Variants in CACNA2D1 observed in about 807,000 individuals in gnomAD.
CACNA2D1 encodes voltage-dependent calcium channel subunit alpha-2/delta-1.
A neutral mutation model predicts 171.5 loss-of-function variants in CACNA2D1; 53 were observed. The ratio of observed to expected loss-of-function variants is 0.31; its 90% CI spans 0.25 to 0.39. The LOEUF (loss-of-function observed/expected upper bound fraction) is 0.39. CACNA2D1 is among the 10% of genes least tolerant of loss of function. The pLI is 1.00. For missense variants in CACNA2D1, 903 were observed against 1,299.8 expected, an observed-to-expected ratio of 0.69 and a Z score of 4.69; for synonymous variants, 442 against 443.1, an observed-to-expected ratio of 1.00 and a Z score of 0.03.
intron 4 of CACNA2D1, among the ~76,000 whole-genome samples, chr7:82,155,630 A>C (rs1179580040): frequency 6.6e-6 from 1 of 152,150 alleles, no homozygotes; most frequent in Non-Finnish European, 1.5e-5. Context: ...ATTTTTTGCT[A>C]TTAGCAAACA....
intron 3 of CACNA2D1, among the ~76,000 whole-genome samples, chr7:82,314,275 T>C (rs1814821932): frequency 6.6e-6 from 1 of 152,190 alleles, no homozygotes. Flanking sequence ...ATATTTGTCT[T>C]CATTAAGTTT....
rs17156147 is a variant in CACNA2D1 at position 82,337,663 on chromosome 7, G to A, written c.178-2412C>T. On this transcript the variant is annotated intron_variant, in intron 2 of 38. Transcript: ENST00000356860. ...AAAAACAGCATGGTGGAAATAATAC[G>A]AGTTTTTGGCACCAGACAGAGTTAC... Among the ~76,000 whole-genome samples, 1,324 of 152,114 alleles carry A rather than the reference G, an allele frequency of 8.7e-3. 28 individuals are homozygous for A. The South Asian group carries it at 0.095, about 11-fold the overall frequency.
At chr7:82,398,317 C>T (rs1308014818) in intron 1 of CACNA2D1, among the ~76,000 whole-genome samples, 1 of 152,120 alleles carries the variant, frequency 6.6e-6, no homozygotes, top group African/African-American at 2.4e-5. Context: ...CAGTCTTTGC[C>T]ACAGTGAAGA....
intron 15 of CACNA2D1, among the ~76,000 whole-genome samples, chr7:82,010,991 G>T (rs956503263): frequency 3.0e-4 from 46 of 152,178 alleles, no homozygotes; most frequent in African/African-American, 1.1e-3. Context: ...CTAAACATAA[G>T]AATAAAGCTT....
rs181846116 is a variant in CACNA2D1, at chr7:82,437,681, G to A, written c.95+5684C>T. Among the ~76,000 whole-genome samples the A allele has an allele frequency of 1.1e-3, 157 of 137,502 alleles. 1 individual carries two copies. The highest frequency in any genetic ancestry group is 3.7e-3 in the African/African-American group (148 of 40,460). 90.2% of individuals were successfully genotyped at this position (137,502 alleles called of 152,430 possible). A position where few individuals can be genotyped will look rare whatever the true frequency, so the allele number is the denominator to read the frequency against. The stretch of plus-strand genomic sequence containing the variant: ...AGGCCACAAAGTCAATCTTTTCCTC[G>A]TTCATAACCTGTACAAACAAGTGGC... On this transcript the variant is annotated intron_variant, in intron 1 of 38. Coordinates refer to ENST00000356860, the MANE Select transcript of CACNA2D1 (RefSeq NM_000722.4).
rs1345256217 is a variant in CACNA2D1, at chr7:82,335,798, C to T, written c.178-547G>A. On this transcript the variant is annotated intron_variant, in intron 2 of 38. Coordinates refer to ENST00000356860, the MANE Select transcript of CACNA2D1 (RefSeq NM_000722.4). Reference sequence around the variant, plus strand: ...AAGGTCATTAAGGTTTTGGTTAGAACGGTAATGGAGTATTTTTTTTAATCA... The same window carrying T: ...AAGGTCATTAAGGTTTTGGTTAGAATGGTAATGGAGTATTTTTTTTAATCA... Among the ~76,000 whole-genome samples, 11 of 152,140 alleles carry T rather than the reference C, an allele frequency of 7.2e-5. No individual in the cohort carries two copies. The East Asian group carries it at 1.4e-3, about 19-fold the overall frequency.
intron 3 of CACNA2D1, among the ~76,000 whole-genome samples, chr7:82,191,191 C>T (rs1798259213): frequency 6.6e-6 from 1 of 151,608 alleles, no homozygotes; most frequent in Admixed American, 6.6e-5. Flanking sequence ...TAGTAATTTG[C>T]CTTAATCATT....
intron 1 of CACNA2D1, among the ~76,000 whole-genome samples, chr7:82,362,904 T>C (rs1477082305): frequency 6.6e-6 from 1 of 152,190 alleles, no homozygotes; most frequent in Non-Finnish European, 1.5e-5. Flanking sequence ...AAATACTTCC[T>C]GCAATGGGCA....
intron 10 of CACNA2D1, among the ~76,000 whole-genome samples, chr7:82,050,014 A>C (rs1805009469): frequency 6.6e-6 from 1 of 152,338 alleles, no homozygotes; most frequent in Non-Finnish European, 1.5e-5. Context: ...GCAATTTACA[A>C]TTGTACTCAT....
At chr7:82,225,743 G>C (rs1802292592) in intron 3 of CACNA2D1, among the ~76,000 whole-genome samples, 2 of 152,186 alleles carry the variant, frequency 1.3e-5, no homozygotes, top group African/African-American at 4.8e-5. Flanking sequence ...CAGTCTTAAA[G>C]TTGCTGGTTT....
intron 7 of CACNA2D1, among the ~76,000 whole-genome samples, chr7:82,079,042 C>T (rs1011431897): frequency 6.6e-6 from 1 of 152,178 alleles, no homozygotes; most frequent in African/African-American, 2.4e-5. Context: ...GAGTTTAAAT[C>T]TCCATTAATT....
At position 82,344,908 on chromosome 7, in the gene CACNA2D1, T is replaced by C. The variant is rs3801693; in HGVS notation, c.177+4660A>G. On this transcript the variant is annotated intron_variant, in intron 2 of 38. Transcript: ENST00000356860. ...GAGAAAGCACATAACTTCTTTAAAATTTTATATTGCCTTTTACCCTCAAAA... is the reference window on the plus strand; with the variant it reads ...GAGAAAGCACATAACTTCTTTAAAACTTTATATTGCCTTTTACCCTCAAAA... 5.1e-3 allele frequency among the ~76,000 whole-genome samples: 782 copies of C among 152,278 alleles called. 22 individuals carry two copies. The East Asian group carries it at 0.081, about 16-fold the overall frequency.
intron 7 of CACNA2D1, among the ~76,000 whole-genome samples, chr7:82,079,707 A>G (rs976583636): frequency 2.6e-4 from 40 of 151,820 alleles, no homozygotes; most frequent in Non-Finnish European, 7.4e-5. Context: ...AAAAAAAAAA[A>G]AAGTTGACGT....
chr7:82,209,239 G>T (rs565328520), intron 3 of CACNA2D1, among the ~76,000 whole-genome samples: 1 of 152,324 alleles, frequency 6.6e-6, no homozygotes, highest in South Asian at 2.1e-4. Flanking sequence ...TCTCAGTGCA[G>T]TAGCAAACTC....
chr7:81,955,981 T>TATA (rs1554324959), intron 38 of CACNA2D1, among the ~76,000 whole-genome samples: 71 of 21,568 alleles, frequency 3.3e-3, no homozygotes, highest in African/African-American at 0.012. Flanking sequence ...TATATATATA[T>TATA]TTTTTTTTTT....
chr7:82,275,759 G>A (rs1340309544), intron 3 of CACNA2D1, among the ~76,000 whole-genome samples: 2 of 152,060 alleles, frequency 1.3e-5, no homozygotes, highest in Non-Finnish European at 2.9e-5. Flanking sequence ...ACACTGCAAC[G>A]GCATGCACAC....
chr7:82,037,653 G>A (rs1803467188), intron 11 of CACNA2D1, among the ~76,000 whole-genome samples: 1 of 151,966 alleles, frequency 6.6e-6, no homozygotes, highest in Non-Finnish European at 1.5e-5. Context: ...TACATTTTAG[G>A]AACAATTTAA....
intron 3 of CACNA2D1, among the ~76,000 whole-genome samples, chr7:82,206,991 T>C (rs1053425157): frequency 1.8e-4 from 27 of 152,184 alleles, no homozygotes; most frequent in Admixed American, 1.1e-3. Flanking sequence ...AACATAGTTA[T>C]AAAATTGCAA....
chr7:82,345,001 T>C (rs1819084566), intron 2 of CACNA2D1, among the ~76,000 whole-genome samples: 1 of 152,280 alleles, frequency 6.6e-6, no homozygotes, highest in South Asian at 2.1e-4. Flanking sequence ...CCCGGAAATC[T>C]TTCTTGTTGC....
Sources: allele counts gnomAD v4.1 joint callset (sites outside exome capture counted in the v4.1 genomes callset), GRCh38; gene constraint gnomAD v4.1.1; transcripts MANE v1.5; gene names NCBI Gene and HGNC (gene_info 2026-07-23, HGNC 2026-07-21).